PHC3: variants seen among roughly 807,000 people sequenced by gnomAD.
The protein encoded by PHC3 is polyhomeotic homolog 3.
In PHC3, 13 loss-of-function variants were observed where a neutral mutation model predicts 107.4. The ratio of observed to expected loss-of-function variants is 0.12; its 90% CI spans 0.08 to 0.19. The LOEUF (loss-of-function observed/expected upper bound fraction) is 0.19, where lower values mean the gene tolerates loss of function less well. Among genes scored for constraint, PHC3 ranks in the 10% least tolerant of loss-of-function variants. The pLI is 1.00. For missense variants in PHC3, 992 were observed against 1,210.9 expected (o/e 0.82, Z 2.68); for synonymous variants, 456 against 427.4 (o/e 1.07, Z -0.83).
chr3:170,163,748 A>G (rs1728282533), intron 4 of PHC3, among the ~76,000 whole-genome samples: 3 of 151,206 alleles, frequency 2.0e-5, no homozygotes, highest in African/African-American at 4.9e-5. Flanking sequence ...CTGTAATCCC[A>G]GCTATTCGGG....
rs549551777 is a variant in PHC3 at position 170,176,440 on chromosome 3, G to C, written c.180+2333C>G. On this transcript the variant is annotated intron_variant, in intron 2 of 14. Coordinates refer to ENST00000495893, the MANE Select transcript of PHC3 (RefSeq NM_024947.4). ...GTATCCACCATGGAAAAATGGAGCA[G>C]AGGAAGGACTATATTGCAAGCAGTT... is the stretch of plus-strand genomic sequence containing the variant. 4.2e-4 allele frequency among the ~76,000 whole-genome samples: 64 copies of C among 152,136 alleles called. 1 individual carries two copies. Among genetic ancestry groups the C allele is most frequent in the Non-Finnish European group, 7.8e-4 (53 of 68,044 alleles).
chr3:170,163,050 T>C (rs1200431588), intron 4 of PHC3, among the ~76,000 whole-genome samples: 2 of 152,224 alleles, frequency 1.3e-5, no homozygotes, highest in Non-Finnish European at 2.9e-5. Flanking sequence ...ACTACGTACT[T>C]GTTTAATGTT....
At chr3:170,174,199 AT>A (rs1193341211) in intron 2 of PHC3, among the ~76,000 whole-genome samples, 1 of 151,548 alleles carries the variant, frequency 6.6e-6, no homozygotes, top group African/African-American at 2.4e-5. Context: ...TCTCAAAAAA[AT>A]AATAATAATA....
intron 13 of PHC3, 21 bp downstream of exon 13, chr3:170,102,781 T>C: frequency 1.2e-6 from 2 of 1,613,498 alleles, no homozygotes; most frequent in East Asian, 2.2e-5. Flanking sequence ...TATTTTACAT[T>C]GAAGCAAGGT....
At chr3:170,112,262 G>T (rs1168588543) in intron 11 of PHC3, among the ~76,000 whole-genome samples, 1 of 151,832 alleles carries the variant, frequency 6.6e-6, no homozygotes, top group Non-Finnish European at 1.5e-5. Flanking sequence ...CCAGGCTGGA[G>T]TGCAGTGGCA....
chr3:170,171,930 T>G (rs1458060539), intron 3 of PHC3, among the ~76,000 whole-genome samples: 2 of 152,234 alleles, frequency 1.3e-5, no homozygotes, highest in Non-Finnish European at 2.9e-5. Flanking sequence ...GATTTAAGAT[T>G]AAATCTTACA....
chr3:170,167,405 C>T (rs1728900124), intron 4 of PHC3, among the ~76,000 whole-genome samples: 1 of 152,234 alleles, frequency 6.6e-6, no homozygotes, highest in South Asian at 2.1e-4. Context: ...CATGAGCCAA[C>T]ATGCCCAGCC....
At chr3:170,146,192 C>T (rs756031980) in intron 5 of PHC3, among the ~76,000 whole-genome samples, 11 of 151,876 alleles carry the variant, frequency 7.2e-5, no homozygotes, top group South Asian at 2.1e-4. Context: ...CTGGCCAACA[C>T]GGTGAAACCC....
chr3:170,104,490 C>T (rs1271084172), intron 12 of PHC3, among the ~76,000 whole-genome samples: 1 of 152,136 alleles, frequency 6.6e-6, no homozygotes, highest in Non-Finnish European at 1.5e-5. Context: ...CCAGGTGGGT[C>T]TCAAATTCCT....
At chr3:170,179,554 G>A (rs1731057211) in intron 1 of PHC3, among the ~76,000 whole-genome samples, 1 of 152,160 alleles carries the variant, frequency 6.6e-6, no homozygotes, top group East Asian at 1.9e-4. Flanking sequence ...CTTATTAGCA[G>A]ATTGCTGTGA....
At chr3:170,178,062 C>T (rs945958491) in intron 2 of PHC3, among the ~76,000 whole-genome samples, 1 of 151,930 alleles carries the variant, frequency 6.6e-6, no homozygotes, top group Non-Finnish European at 1.5e-5. Context: ...ATCTCCAATG[C>T]AACAGTGTTA....
chr3:170,106,267 T>C (rs974683775), intron 12 of PHC3, among the ~76,000 whole-genome samples: 6 of 152,102 alleles, frequency 3.9e-5, no homozygotes, highest in African/African-American at 9.7e-5. Context: ...ATAATGACTA[T>C]TGAAAATACT....
chr3:170,173,760 A>G (rs1227773493), intron 2 of PHC3, among the ~76,000 whole-genome samples: 1 of 152,216 alleles, frequency 6.6e-6, no homozygotes, highest in Non-Finnish European at 1.5e-5. Context: ...ATATTAAAAT[A>G]TTTGAAAGAA....
Position 170,129,510 on chromosome 3 carries a change from T to C in PHC3, c.962A>G (p.Gln321Arg). The C allele has an allele frequency of 6.2e-7, 1 of 1,613,718 alleles. No homozygotes were observed. Among genetic ancestry groups the C allele is most frequent in the East Asian group, 2.2e-5 (1 of 44,884 alleles). ...AGGTGGTGAATGAAGAGGAATCTGCTGATGTTTTATTAGAGAATGAGGCTG... is the reference window on the plus strand; with the variant it reads ...AGGTGGTGAATGAAGAGGAATCTGCCGATGTTTTATTAGAGAATGAGGCTG... ...PIQPHSLIKH[Q>R]QIPLHSPPSK... is the part of the protein sequence containing the mutation. Residue 321 changes from glutamine (Q) to arginine (R), a missense_variant, in exon 8 of 15, where the codon CAG becomes CGG. Physicochemically the swap from Gln to Arg is conservative, Grantham distance 43. Coordinates refer to ENST00000495893, the MANE Select transcript of PHC3 (RefSeq NM_024947.4).
intron 9 of PHC3, among the ~76,000 whole-genome samples, chr3:170,120,396 G>A (rs1720017750): frequency 6.6e-6 from 1 of 151,988 alleles, no homozygotes. Context: ...GACCCACCTA[G>A]CCAACATAGT....
intron 7 of PHC3, among the ~76,000 whole-genome samples, chr3:170,133,373 T>A (rs2108492670): frequency 6.6e-6 from 1 of 152,148 alleles, no homozygotes; most frequent in Non-Finnish European, 1.5e-5. Context: ...GAGACGGGGT[T>A]TCACCATGTT....
chr3:170,143,318 T>C (rs1724401536), intron 6 of PHC3, among the ~76,000 whole-genome samples: 2 of 152,004 alleles, frequency 1.3e-5, no homozygotes, highest in Admixed American at 1.3e-4. Context: ...ATTTTATAAA[T>C]ACGGGGGAAA....
Position 170,128,971 on chromosome 3 carries a change from A to G in PHC3, c.1501T>C (p.Tyr501His), listed in dbSNP as rs1188298035. The part of the protein sequence containing the change: ...QQIVSPSHQQ[Y>H]SSLQSSPIPI... Reference sequence around the variant, plus strand: ...ATTGGAGAGGACTGCAGGGATGAATATTGCTGGTGTGATGGAGAGACAATC... The same window carrying G: ...ATTGGAGAGGACTGCAGGGATGAATGTTGCTGGTGTGATGGAGAGACAATC... The change falls in exon 8 of 15, where the codon TAT (tyrosine) becomes CAT (histidine). Residue 501 changes from tyrosine (Y) to histidine (H), a missense_variant. By Grantham distance (83) the Tyr-to-His change is moderately conservative. Around this residue, in one of 6 missense-constraint regions of PHC3, gnomAD observed 543 missense variants for 590.8 expected, o/e 0.92. Transcript: ENST00000495893. 7.4e-6 allele frequency: 12 copies of G among 1,613,800 alleles called. No individual in the cohort carries two copies. The highest frequency in any genetic ancestry group is 9.3e-6 in the Non-Finnish European group (11 of 1,179,890).
intron 2 of PHC3, among the ~76,000 whole-genome samples, chr3:170,174,298 T>C (rs1730073834): frequency 6.6e-6 from 1 of 152,180 alleles, no homozygotes; most frequent in South Asian, 2.1e-4. Flanking sequence ...GTCAAATACC[T>C]TGTTTTGCTT....
Sources: allele counts gnomAD v4.1 joint callset (sites outside exome capture counted in the v4.1 genomes callset), GRCh38; gene constraint gnomAD v4.1.1; regional missense constraint gnomAD v4.1.1; transcripts MANE v1.5; gene names NCBI Gene and HGNC (gene_info 2026-07-23, HGNC 2026-07-21).